The following KATNAL2 variants were observed in gnomAD, a reference collection of about 807,000 sequenced individuals.
The protein encoded by KATNAL2 is katanin catalytic subunit A1 like 2, also known as katanin p60 ATPase-containing subunit A-like 2.
KATNAL2 carries 52 observed loss-of-function variants against 76.3 expected under a neutral mutation model. The observed-to-expected ratio is 0.68, with a 90% CI of 0.55 to 0.86. The LOEUF is 0.86. KATNAL2 is among the 40% of genes least tolerant of loss of function. The pLI is 0.00. For missense variants in KATNAL2, 660 were observed against 668.9 expected, an observed-to-expected ratio of 0.99 and a Z score of 0.15; for synonymous variants, 243 against 244.2, an observed-to-expected ratio of 1.00 and a Z score of 0.05.
intron 15 of KATNAL2, chr18:47,084,209 T>C (rs1464813408): frequency 1.7e-6 from 1 of 587,366 alleles, no homozygotes; most frequent in Non-Finnish European, 3.0e-6. Flanking sequence ...GGGATGTCTT[T>C]CTGTTATCTA....
chr18:46,949,510 G>GC (rs2059486293), intron 3 of KATNAL2, among the ~76,000 whole-genome samples: 1 of 152,194 alleles, frequency 6.6e-6, no homozygotes, highest in Non-Finnish European at 1.5e-5. Flanking sequence ...GCCTCCCAAA[G>GC]TCCTCGGATT....
At chr18:47,086,964 CAT>C (rs1380540412) in intron 15 of KATNAL2, among the ~76,000 whole-genome samples, 7 of 152,198 alleles carry the variant, frequency 4.6e-5, no homozygotes, top group African/African-American at 1.7e-4. Flanking sequence ...ACATGCGAAT[CAT>C]ACATTTCAAA....
At chr18:46,945,195 A>G (rs764292754) in intron 1 of KATNAL2, among the ~76,000 whole-genome samples, 5 of 152,218 alleles carry the variant, frequency 3.3e-5, no homozygotes, top group African/African-American at 4.8e-5. Context: ...ACAGGTGTTC[A>G]TTCATATCAA....
In KATNAL2 at chr18:47,062,979, T is replaced by C. The variant is rs2061682567; in HGVS notation, c.557T>C (p.Ile186Thr). Reference sequence around the variant, plus strand: ...ACCATTCCTCCCTTTCAGGGCCAAATCATTGACTTCCAAGGGCTGCTCACA... The same window carrying C: ...ACCATTCCTCCCTTTCAGGGCCAAACCATTGACTTCCAAGGGCTGCTCACA... ...EENAHPRRGQ[I>T]IDFQGLLTDA... Residue 186 changes from isoleucine to threonine, a missense_variant, in exon 9 of 18, where the codon ATC (isoleucine) becomes ACC (threonine). Ile to Thr is a moderately conservative substitution (Grantham distance 89, BLOSUM62 -1). Transcript: ENST00000683218. 3.1e-6 allele frequency: 5 copies of C among 1,613,882 alleles called. No individual in the cohort carries two copies. The highest frequency in any genetic ancestry group is 4.2e-6 in the Non-Finnish European group (5 of 1,179,816).
intron 15 of KATNAL2, among the ~76,000 whole-genome samples, chr18:47,080,519 T>A (rs1812392256): frequency 6.6e-6 from 1 of 152,242 alleles, no homozygotes; most frequent in African/African-American, 2.4e-5. Flanking sequence ...CTATTTTACA[T>A]TCTTGTAGAT....
chr18:47,033,241 G>T, intron 3 of KATNAL2: 1 of 1,613,792 alleles, frequency 6.2e-7, no homozygotes, highest in Non-Finnish European at 8.5e-7. Flanking sequence ...GGGCTTGGAG[G>T]CTGGCTTGAT....
rs749946934 is a variant in KATNAL2 at position 47,075,389 on chromosome 18, T to C, written c.1100+21T>C. ...TCTGGGTAACAGACAGGGTTGGGGT[T>C]TTTGTTGTTGTTGTTTTTTGTCATG... is the stretch of plus-strand genomic sequence containing the variant. On this transcript the variant is annotated intron_variant, in intron 14 of 17. Transcript: ENST00000683218. 2.1e-6 allele frequency: 3 copies of C among 1,462,250 alleles called. No individual in the cohort carries two copies. In the South Asian group the frequency reaches 4.6e-5, roughly 23 times the overall value. 90.6% of individuals were successfully genotyped at this position (1,462,250 alleles called of 1,614,324 possible).
intron 15 of KATNAL2, among the ~76,000 whole-genome samples, chr18:47,077,719 A>G (rs1192918284): frequency 2.0e-5 from 3 of 152,212 alleles, no homozygotes; most frequent in Non-Finnish European, 2.9e-5. Flanking sequence ...GCCAAATTAC[A>G]TAGTTTGTTT....
chr18:47,037,557 A>T (rs945631426), intron 3 of KATNAL2, among the ~76,000 whole-genome samples: 4 of 152,150 alleles, frequency 2.6e-5, no homozygotes, highest in African/African-American at 9.7e-5. Flanking sequence ...TTCAGAAGAT[A>T]ATTTTCTAGG....
At chr18:46,953,905 G>A (rs543945965) in intron 3 of KATNAL2, among the ~76,000 whole-genome samples, 1 of 152,288 alleles carries the variant, frequency 6.6e-6, no homozygotes, top group East Asian at 1.9e-4. Flanking sequence ...TGTCAGTTAT[G>A]TGTAGGTCTT....
chr18:47,065,617 T>C (rs964063578), intron 10 of KATNAL2, among the ~76,000 whole-genome samples: 1 of 151,884 alleles, frequency 6.6e-6, no homozygotes, highest in Non-Finnish European at 1.5e-5. Flanking sequence ...TGCTGCACTG[T>C]AGCCTGGGTG....
At chr18:46,967,652 C>T (rs1405594188) in intron 3 of KATNAL2, among the ~76,000 whole-genome samples, 2 of 113,938 alleles carry the variant, frequency 1.8e-5, no homozygotes, top group Admixed American at 8.0e-5. Flanking sequence ...AGTTAGAATG[C>T]AAACTTTCAC....
intron 15 of KATNAL2, chr18:47,098,426 C>T (rs1227905350): frequency 5.0e-6 from 1 of 201,102 alleles, no homozygotes; most frequent in Non-Finnish European, 1.0e-5. Flanking sequence ...CTGATAAAAC[C>T]ATCAGACCTT....
chr18:47,033,487 A>G (rs1442514078), intron 3 of KATNAL2: 27 of 1,614,036 alleles, frequency 1.7e-5, no homozygotes, highest in Non-Finnish European at 2.2e-5. Context: ...TTCTTCCTTG[A>G]AGTCCTGGAA....
intron 3 of KATNAL2, among the ~76,000 whole-genome samples, chr18:47,043,287 G>A (rs7238223): frequency 0.013 from 1,874 of 149,080 alleles, 39 homozygotes; most frequent in African/African-American, 0.043. Flanking sequence ...TACATTACAT[G>A]CAAAGGATCA....
intron 1 of KATNAL2, among the ~76,000 whole-genome samples, chr18:46,944,978 C>T: frequency 6.6e-6 from 1 of 152,160 alleles, no homozygotes; most frequent in Admixed American, 6.5e-5. Flanking sequence ...TGCGTACTTA[C>T]ATGCAAGTAG....
chr18:47,033,529 C>T (rs768427800), intron 3 of KATNAL2: 14 of 1,614,210 alleles, frequency 8.7e-6, no homozygotes, highest in Admixed American at 1.7e-5. Flanking sequence ...GTCTGTCTCT[C>T]TAACGAGTGC....
In KATNAL2 at chr18:47,101,847, G is replaced by T. The variant is rs1032218874; in HGVS notation, c.*842G>T. 1 of 152,114 alleles carries T rather than the reference G, an allele frequency of 6.6e-6. No homozygotes were observed. Among genetic ancestry groups the T allele is most frequent in the African/African-American group, 2.4e-5 (1 of 41,394 alleles). 9.4% of individuals were successfully genotyped at this position (152,114 alleles called of 1,614,324 possible). A position where few individuals can be genotyped will look rare whatever the true frequency, so the allele number is the denominator to read the frequency against. On this transcript the variant is annotated 3_prime_UTR_variant, in exon 18 of 18. Transcript: ENST00000683218. ...AGGCTCTTCCCCCTCTCCTTAAGGGGTTATAAACAACTAGACGCATCTCTC... is the reference window on the plus strand; with the variant it reads ...AGGCTCTTCCCCCTCTCCTTAAGGGTTTATAAACAACTAGACGCATCTCTC...
chr18:47,031,669 G>C (rs1035766660), intron 3 of KATNAL2, among the ~76,000 whole-genome samples: 1 of 152,104 alleles, frequency 6.6e-6, no homozygotes. Context: ...GTAGAGATGG[G>C]ATCTTTTTCA....
Sources: gnomAD v4.1 joint callset for allele counts (sites outside exome capture counted in the v4.1 genomes callset) on GRCh38, gnomAD v4.1.1 for gene constraint, MANE v1.5 for transcripts, NCBI Gene and HGNC (gene_info 2026-07-23, HGNC 2026-07-21) for gene names.